Variants in ANKRD24 observed in about 807,000 individuals in gnomAD.
ANKRD24 encodes ankyrin repeat domain-containing protein 24.
In ANKRD24, 109 loss-of-function variants were observed where a neutral mutation model predicts 127.8. The observed-to-expected ratio is 0.85, with a 90% CI of 0.73 to 1.00. The LOEUF is 1.00. Among genes scored for constraint, ANKRD24 ranks in the 50% least tolerant of loss-of-function variants. ANKRD24 has a pLI of 0.00. For missense variants in ANKRD24, 1,648 were observed against 1,570.2 expected (o/e 1.05, Z -0.84); for synonymous variants, 743 against 671.1 (o/e 1.11, Z -1.66).
Position 4,212,650 on chromosome 19 carries a change from C to T in ANKRD24, c.1149C>T (p.Ser383=). 1.3e-6 allele frequency: 2 copies of T among 1,551,218 alleles called. No homozygotes were observed. The highest frequency in any genetic ancestry group is 1.7e-6 in the Non-Finnish European group (2 of 1,147,008). The part of the protein sequence containing the change: ...LLVERQEEKE[S]LGREVESLQS... ...TGGAGAGACAAGAGGAGAAGGAGAGCCTGGGACGGGAGGTGGAGAGTTTGC... is the reference window on the plus strand; with the variant it reads ...TGGAGAGACAAGAGGAGAAGGAGAGTCTGGGACGGGAGGTGGAGAGTTTGC... The change falls in exon 15 of 22, where the codon AGC becomes AGT. Residue 383 remains serine (S), a synonymous_variant. Coordinates refer to ENST00000318934, the MANE Select transcript of ANKRD24 (RefSeq NM_001393985.1).
intron 2 of ANKRD24, among the ~76,000 whole-genome samples, chr19:4,190,008 G>A (rs1042924854): frequency 6.6e-6 from 1 of 152,160 alleles, no homozygotes; most frequent in Non-Finnish European, 1.5e-5. Context: ...TCCATTAACT[G>A]CCTACAAAAT....
intron 1 of ANKRD24, among the ~76,000 whole-genome samples, chr19:4,184,173 G>T (rs1419317390): frequency 6.6e-6 from 1 of 152,220 alleles, no homozygotes; most frequent in East Asian, 1.9e-4. Context: ...GGCCCCCTGG[G>T]GCGGCCGCCT....
In ANKRD24 at chr19:4,199,777, C is replaced by T; in HGVS notation, c.123+8C>T. 1 of 1,535,502 alleles carries T rather than the reference C, an allele frequency of 6.5e-7. No individual in the cohort carries two copies. The highest frequency in any genetic ancestry group is 1.2e-5 in the South Asian group (1 of 83,468). On this transcript the variant is annotated splice_region_variant and intron_variant, in intron 3 of 21. Transcript: ENST00000318934. This position sits in a 1 kb window ranked among gnomAD's most constrained non-coding sequence, Gnocchi z 5.2. ...GCCAGAGGCAGGCGCCAGGCAAGTG[C>T]CCAGGGGCAGGTGGTGAGAGCCCGG...
intron 2 of ANKRD24, among the ~76,000 whole-genome samples, chr19:4,193,831 C>T (rs576949662): frequency 0.06 from 30 of 502 alleles, 1 homozygote; most frequent in East Asian, 0.24. Flanking sequence ...AGCGAGACTC[C>T]GTCGGGAGGG....
At chr19:4,191,071 G>T (rs1000182360) in intron 2 of ANKRD24, among the ~76,000 whole-genome samples, 7 of 152,182 alleles carry the variant, frequency 4.6e-5, no homozygotes, top group African/African-American at 1.7e-4. Flanking sequence ...GAGGGCCTCT[G>T]AGAGTGTCTG....
chr19:4,188,154 T>G (rs896448989), intron 2 of ANKRD24, among the ~76,000 whole-genome samples: 1 of 152,130 alleles, frequency 6.6e-6, no homozygotes, highest in Non-Finnish European at 1.5e-5. Context: ...CTCGGCTCAC[T>G]GCAACCTCCA....
intron 7 of ANKRD24, 69 bp downstream of exon 7, chr19:4,202,995 C>T (rs1969180251): frequency 6.5e-6 from 9 of 1,388,300 alleles, no homozygotes; most frequent in Middle Eastern, 4.9e-4. Context: ...TTATTCTGCC[C>T]AGGGCCCTAG....
At chr19:4,196,372 TTTG>T (rs1299180866) in intron 2 of ANKRD24, among the ~76,000 whole-genome samples, 1 of 151,930 alleles carries the variant, frequency 6.6e-6, no homozygotes, top group Non-Finnish European at 1.5e-5. Context: ...TTTGTTTGTT[TTTG>T]TTGTTGTTTA....
intron 7 of ANKRD24, among the ~76,000 whole-genome samples, chr19:4,204,068 A>T (rs1969251665): frequency 7.1e-6 from 1 of 140,212 alleles, no homozygotes; most frequent in Admixed American, 8.1e-5. Flanking sequence ...GGTCCACGCC[A>T]TTCTCCTGCC....
chr19:4,205,764 C>A (rs934148082), intron 7 of ANKRD24, among the ~76,000 whole-genome samples: 5 of 152,080 alleles, frequency 3.3e-5, no homozygotes, highest in African/African-American at 4.8e-5. Flanking sequence ...AGGAGAATCG[C>A]TGGAACCGGG....
intron 11 of ANKRD24, among the ~76,000 whole-genome samples, chr19:4,209,201 C>T (rs1052107816): frequency 6.6e-6 from 1 of 152,010 alleles, no homozygotes. Context: ...ACCTTCACCC[C>T]CTGGGTTCAA....
At chr19:4,218,352 T>C (rs879107658) in intron 18 of ANKRD24, among the ~76,000 whole-genome samples, 189 bp downstream of exon 18, 14 of 151,988 alleles carry the variant, frequency 9.2e-5, no homozygotes, top group Non-Finnish European at 1.3e-4. Context: ...CAGGCTGGAG[T>C]GTAGTGGTGT....
chr19:4,191,002 T>C (rs1211749495), intron 2 of ANKRD24, among the ~76,000 whole-genome samples: 1 of 151,994 alleles, frequency 6.6e-6, no homozygotes, highest in Non-Finnish European at 1.5e-5. Context: ...ATGGGAGGGG[T>C]CGGGACAAAG....
Position 4,208,797 on chromosome 19 carries a change from CT to C in ANKRD24, c.867del (p.Gln290ArgfsTer38). 1 of 1,613,274 alleles carries C rather than the reference CT, an allele frequency of 6.2e-7. No individual in the cohort carries two copies. Among genetic ancestry groups the C allele is most frequent in the Non-Finnish European group, 8.5e-7 (1 of 1,179,580 alleles). ...GAGGATGATTCAGGCGAGGCGTCAT[CT>C]CAGGTATGGACCCCTAAGCAGTGAA... ...LTEDDSGEAS[S>X]QNSMSSHGKQ... On this transcript the variant is annotated frameshift_variant, in exon 11 of 22. Coordinates refer to ENST00000318934, the MANE Select transcript of ANKRD24 (RefSeq NM_001393985.1). LOFTEE classifies it high-confidence loss of function.
chr19:4,184,345 G>A (rs1164960787), intron 1 of ANKRD24, among the ~76,000 whole-genome samples: 1 of 152,190 alleles, frequency 6.6e-6, no homozygotes. Flanking sequence ...CCAGGACGGA[G>A]GATCCCCTTA....
At position 4,216,601 on chromosome 19, in the gene ANKRD24, G is replaced by C; in HGVS notation, c.1441G>C (p.Ala481Pro). The change falls in exon 18 of 22, where the codon GCA becomes CCA. Residue 481 changes from alanine (A) to proline (P), a missense_variant. Coordinates refer to ENST00000318934, the MANE Select transcript of ANKRD24 (RefSeq NM_001393985.1). ...GACACAGATGGAAGTGGAAGCTTTG[G>C]CAGAGGTCATCCCTCTTGCCCTCTA... ...DETQMEVEAL[A>P]EVIPLALYDS... 6.2e-7 allele frequency: 1 copy of C among 1,611,980 alleles called. No individual in the cohort carries two copies. The highest frequency in any genetic ancestry group is 8.5e-7 in the Non-Finnish European group (1 of 1,179,116).
At chr19:4,219,181 G>T (rs1970306738) in intron 18 of ANKRD24, among the ~76,000 whole-genome samples, 2 of 152,218 alleles carry the variant, frequency 1.3e-5, no homozygotes, top group South Asian at 4.1e-4. Flanking sequence ...AGCTACTGGG[G>T]AGGCTGAGGC....
Position 4,217,782 on chromosome 19 carries a change from G to C in ANKRD24, c.2622G>C (p.Leu874=). 2 of 1,321,034 alleles carry C rather than the reference G, an allele frequency of 1.5e-6. No individual in the cohort carries two copies. The highest frequency in any genetic ancestry group is 1.9e-6 in the Non-Finnish European group (2 of 1,039,640). The allele number at this position is 1,321,034 out of a possible 1,614,324, so 81.8% of individuals were successfully genotyped here. The change falls in exon 18 of 22, where the codon CTG becomes CTC. Residue 874 remains leucine, a synonymous_variant. Coordinates refer to ENST00000318934, the MANE Select transcript of ANKRD24 (RefSeq NM_001393985.1). ...AGCAGCGCACGGCGGCCGCGGAACT[G>C]GGCCGGGCACGGGACGCCGCTGAGG... ...GEQQRTAAAE[L]GRARDAAEAR... is the part of the protein sequence containing the mutation.
Position 4,215,316 on chromosome 19 carries a change from T to A in ANKRD24, c.1198-662T>A, listed in dbSNP as rs116206163. 6.6e-3 allele frequency among the ~76,000 whole-genome samples: 998 copies of A among 152,170 alleles called. 9 individuals carry two copies. Among genetic ancestry groups the A allele is most frequent in the African/African-American group, 0.023 (964 of 41,504 alleles). ...GCCTGGCCAACGTGGTGAAACCACG[T>A]GTCACTAAAAATACAAAAATTAGCC... is the stretch of plus-strand genomic sequence containing the variant. On this transcript the variant is annotated intron_variant, in intron 15 of 21. Transcript: ENST00000318934.
Sources: gnomAD v4.1 joint callset for allele counts (sites outside exome capture counted in the v4.1 genomes callset) on GRCh38, gnomAD v4.1.1 for gene constraint, Gnocchi (gnomAD v3.1) non-coding constraint, MANE v1.5 for transcripts, NCBI Gene and HGNC (gene_info 2026-07-23, HGNC 2026-07-21) for gene names.